SCRG1: variants seen among roughly 807,000 people sequenced by gnomAD.
SCRG1 encodes stimulator of chondrogenesis 1.
Under a neutral mutation model 7.7 loss-of-function variants are expected in SCRG1, and 3 were observed. That is an observed-to-expected ratio of 0.39 (90% CI 0.18 to 1.01). The LOEUF is 1.01. Among genes scored for constraint, SCRG1 ranks in the 50% least tolerant of loss-of-function variants. The pLI, the probability that SCRG1 is intolerant of heterozygous loss-of-function variation, is 0.36. For missense variants in SCRG1, 110 were observed against 117.2 expected, an observed-to-expected ratio of 0.94 and a Z score of 0.28; for synonymous variants, 46 against 41.2, an observed-to-expected ratio of 1.12 and a Z score of -0.44.
the SCRG1 span, among the ~76,000 whole-genome samples, chr4:173,479,435 G>GTTTTTTTTTTTTTTTTTTTTTTTT: frequency 2.4e-5 from 3 of 125,930 alleles, 1 homozygote; most frequent in Non-Finnish European, 1.7e-5. Flanking sequence ...TTGTTTGTTT[G>GTTTTTTTTTTTTTTTTTTTTTTTT]TTTTTTTGTT....
At chr4:173,514,602 G>T in the SCRG1 span, among the ~76,000 whole-genome samples, 1 of 152,274 alleles carries the variant, frequency 6.6e-6, no homozygotes, top group Admixed American at 6.5e-5. Context: ...AGAAACAAAG[G>T]GATCAACTAA....
the SCRG1 span, among the ~76,000 whole-genome samples, chr4:173,488,134 T>TAA: frequency 7.9e-3 from 1,013 of 128,838 alleles, 8 homozygotes; most frequent in East Asian, 0.031. Flanking sequence ...AATAAATAAA[T>TAA]TTAAAAAATG....
chr4:173,472,424 T>G, the SCRG1 span, among the ~76,000 whole-genome samples: 2 of 152,198 alleles, frequency 1.3e-5, no homozygotes, highest in Non-Finnish European at 2.9e-5. Flanking sequence ...GGATTTATCA[T>G]AAGAAATTTG....
the SCRG1 span, among the ~76,000 whole-genome samples, chr4:173,449,726 G>A: frequency 6.6e-6 from 1 of 152,238 alleles, no homozygotes; most frequent in South Asian, 2.1e-4. Context: ...TGTTGAGGTG[G>A]GCAGTATTTC....
chr4:173,454,408 C>T, the SCRG1 span, among the ~76,000 whole-genome samples: 22 of 152,056 alleles, frequency 1.4e-4, no homozygotes, highest in African/African-American at 3.9e-4. Context: ...GGCAAGGAGA[C>T]GAAGGGAAGG....
the SCRG1 span, among the ~76,000 whole-genome samples, chr4:173,415,551 T>G: frequency 5.3e-5 from 8 of 152,336 alleles, no homozygotes; most frequent in East Asian, 1.2e-3. Context: ...CACAGGGGCC[T>G]CCAAATAGCC....
At chr4:173,427,547 T>G in the SCRG1 span, among the ~76,000 whole-genome samples, 1 of 152,214 alleles carries the variant, frequency 6.6e-6, no homozygotes, top group Non-Finnish European at 1.5e-5. Flanking sequence ...TAATAATTTC[T>G]TGCATAGGGC....
At chr4:173,483,221 T>TC in the SCRG1 span, among the ~76,000 whole-genome samples, 1 of 61,048 alleles carries the variant, frequency 1.6e-5, no homozygotes. Flanking sequence ...TCATATAATA[T>TC]ATATATTATA....
chr4:173,488,097 CTAAATAAA>C, the SCRG1 span, among the ~76,000 whole-genome samples: 116 of 145,048 alleles, frequency 8.0e-4, no homozygotes, highest in African/African-American at 2.3e-3. Flanking sequence ...GAGACTCTGT[CTAAATAAA>C]TAAATAAATA....
At chr4:173,419,308 T>C in the SCRG1 span, 2 of 727,888 alleles carry the variant, frequency 2.7e-6, no homozygotes, top group African/African-American at 3.5e-5. Context: ...CTACCCAATC[T>C]TTCTTCTGAG....
At chr4:173,464,511 T>C in the SCRG1 span, among the ~76,000 whole-genome samples, 1 of 152,210 alleles carries the variant, frequency 6.6e-6, no homozygotes, top group East Asian at 1.9e-4. Context: ...AGTATCATTT[T>C]CAAAATGTTA....
At chr4:173,483,105 T>C in the SCRG1 span, among the ~76,000 whole-genome samples, 3 of 74,546 alleles carry the variant, frequency 4.0e-5, no homozygotes, top group Non-Finnish European at 4.9e-5. Context: ...TCCTATATAT[T>C]ACATATATTT....
chr4:173,485,798 C>T, the SCRG1 span, among the ~76,000 whole-genome samples: 38 of 152,022 alleles, frequency 2.5e-4, no homozygotes, highest in East Asian at 1.9e-4. Context: ...GGTGAAACCC[C>T]GCCTCTACTA....
At chr4:173,482,467 T>C in the SCRG1 span, among the ~76,000 whole-genome samples, 2 of 152,210 alleles carry the variant, frequency 1.3e-5, no homozygotes, top group East Asian at 3.9e-4. Context: ...CTGTCTTTTT[T>C]CTTGTCCATT....
At chr4:173,459,163 ATAGT>A in the SCRG1 span, among the ~76,000 whole-genome samples, 97 of 152,360 alleles carry the variant, frequency 6.4e-4, no homozygotes, top group Middle Eastern at 3.4e-3. Context: ...CAATACAATA[ATAGT>A]TAGGAACTTC....
At chr4:173,414,636 G>A in the SCRG1 span, among the ~76,000 whole-genome samples, 4 of 152,192 alleles carry the variant, frequency 2.6e-5, no homozygotes, top group African/African-American at 7.2e-5. Flanking sequence ...TGAAGAAAGG[G>A]GTGGGTGTTC....
intron 1 of SCRG1, among the ~76,000 whole-genome samples, chr4:173,404,659 G>T (rs1739855310): frequency 6.6e-6 from 1 of 152,174 alleles, no homozygotes; most frequent in African/African-American, 2.4e-5. Context: ...TACCATGAAT[G>T]ATATTGCAGT....
At chr4:173,508,048 C>G in the SCRG1 span, among the ~76,000 whole-genome samples, 1 of 152,042 alleles carries the variant, frequency 6.6e-6, no homozygotes, top group Admixed American at 6.6e-5. The surrounding 1 kb of genome is among the most constrained non-coding windows in gnomAD (Gnocchi z 4.4). Context: ...GGGTGCAGTC[C>G]GCCCTGAGAA....
the SCRG1 span, among the ~76,000 whole-genome samples, chr4:173,449,067 C>A: frequency 1.3e-5 from 2 of 152,194 alleles, no homozygotes; most frequent in African/African-American, 4.8e-5. Flanking sequence ...AGTGAGAGGT[C>A]TCCAGTGTAC....
Sources: gnomAD v4.1 joint callset for allele counts (sites outside exome capture counted in the v4.1 genomes callset) on GRCh38, gnomAD v4.1.1 for gene constraint, Gnocchi (gnomAD v3.1) non-coding constraint, MANE v1.5 for transcripts, NCBI Gene and HGNC (gene_info 2026-07-23, HGNC 2026-07-21) for gene names.